TCTN2: variants seen among roughly 807,000 people sequenced by gnomAD.
TCTN2 encodes tectonic family member 2.
In TCTN2, 66 loss-of-function variants were observed where a neutral mutation model predicts 83.4. The ratio of observed to expected loss-of-function variants is 0.79; its 90% confidence interval spans 0.65 to 0.97. The LOEUF (loss-of-function observed/expected upper bound fraction) is 0.97, where lower values mean the gene tolerates loss of function less well. Ranked by LOEUF, TCTN2 falls within the 50% of genes least tolerant of loss-of-function variation. TCTN2 has a pLI of 0.00. For missense variants in TCTN2, 794 were observed against 858.1 expected (o/e 0.93, Z 0.93); for synonymous variants, 301 against 326.7 (o/e 0.92, Z 0.85).
intron 4 of TCTN2, among the ~76,000 whole-genome samples, chr12:123,674,726 C>T (rs909279351): frequency 2.0e-5 from 3 of 152,076 alleles, no homozygotes; most frequent in African/African-American, 7.2e-5. Flanking sequence ...GATACTGTCT[C>T]TATAAAAAAT....
Position 123,700,330 on chromosome 12 carries a change from T to A in TCTN2, c.1612+520T>A, listed in dbSNP as rs76854096. On this transcript the variant is annotated intron_variant, in intron 14 of 17. Transcript: ENST00000303372. ...CATTGCGCCTGGCCAACAACAGTCTTTGTGAAAGAAAGTCTAGGCTGGGAG... is the reference window on the plus strand; with the variant it reads ...CATTGCGCCTGGCCAACAACAGTCTATGTGAAAGAAAGTCTAGGCTGGGAG... Among the ~76,000 whole-genome samples, 1,389 of 152,222 alleles carry A rather than the reference T, an allele frequency of 9.1e-3. 26 individuals carry two copies. The highest frequency in any genetic ancestry group is 0.031 in the African/African-American group (1,308 of 41,530).
At chr12:123,680,990 C>T (rs1290838575) in intron 5 of TCTN2, among the ~76,000 whole-genome samples, 1 of 151,804 alleles carries the variant, frequency 6.6e-6, no homozygotes, top group African/African-American at 2.4e-5. Context: ...AAGAACAGGC[C>T]TGGCGAAGCA....
Position 123,688,062 on chromosome 12 carries a change from A to G in TCTN2, c.776A>G (p.Gln259Arg), listed in dbSNP as rs151318349. The change falls in exon 7 of 18, where the codon CAG (glutamine) becomes CGG (arginine). Residue 259 changes from glutamine (Q) to arginine (R), a missense_variant. By Grantham distance (43) the Gln-to-Arg change is conservative. Transcript: ENST00000303372. ...TTATTGATTTTCAGTTCCCCCAAAC[A>G]GGACTCTTCCTTTGAAGTATATGTG... is the stretch of plus-strand genomic sequence containing the variant. ...YFYHGAVSPK[Q>R]DSSFEVYVDT... 1,794 of 1,614,132 alleles carry G rather than the reference A, an allele frequency of 1.1e-3. 1 individual carries two copies. Among genetic ancestry groups the G allele is most frequent in the Non-Finnish European group, 1.4e-3 (1,680 of 1,179,994 alleles).
rs1266678628 is a variant in TCTN2 at position 123,707,929 on chromosome 12, C to T, written c.*216C>T. ...TCCACCGTATTGGCCAGGCTGCTCTCGAACTCCTGACCTCATGATCCGCCC... is the reference window on the plus strand; with the variant it reads ...TCCACCGTATTGGCCAGGCTGCTCTTGAACTCCTGACCTCATGATCCGCCC... On this transcript the variant is annotated 3_prime_UTR_variant, in exon 18 of 18. Transcript: ENST00000303372. 2.1e-5 allele frequency: 11 copies of T among 520,894 alleles called. No homozygotes were observed. Among genetic ancestry groups the T allele is most frequent in the African/African-American group, 1.2e-4 (6 of 51,596 alleles). The allele number at this position is 520,894 out of a possible 1,614,324, so 32.3% of individuals were successfully genotyped here.
chr12:123,678,204 T>C, intron 4 of TCTN2, among the ~76,000 whole-genome samples: 1 of 152,180 alleles, frequency 6.6e-6, no homozygotes, highest in East Asian at 1.9e-4. Context: ...ACCTGCACTG[T>C]TGGGTACCAC....
intron 5 of TCTN2, among the ~76,000 whole-genome samples, chr12:123,685,280 A>G (rs1333655139): frequency 2.0e-5 from 3 of 152,138 alleles, no homozygotes; most frequent in African/African-American, 7.2e-5. Context: ...TAAACAATCA[A>G]TTTTTAATTT....
At chr12:123,680,579 C>T (rs1955887663) in intron 5 of TCTN2, among the ~76,000 whole-genome samples, 1 of 149,454 alleles carries the variant, frequency 6.7e-6, no homozygotes, top group Non-Finnish European at 1.5e-5. Context: ...TGCAGTGACA[C>T]GATCTCGGGT....
At position 123,679,054 on chromosome 12, in the gene TCTN2, C is replaced by T. The variant is rs537825850; in HGVS notation, c.464-135C>T. The stretch of plus-strand genomic sequence containing the variant: ...CCTCATGATCCACCTGCCTTGGCCT[C>T]CCAAAATGCTGGGATTACAGGCGTG... On this transcript the variant is annotated intron_variant, in intron 4 of 17. Transcript: ENST00000303372. 9.5e-6 allele frequency: 7 copies of T among 740,680 alleles called. No individual in the cohort carries two copies. The African/African-American group carries it at 1.2e-4, about 13-fold the overall frequency. 45.9% of individuals were successfully genotyped at this position (740,680 alleles called of 1,614,324 possible).
intron 8 of TCTN2, among the ~76,000 whole-genome samples, chr12:123,691,466 T>C (rs35114195): frequency 0.41 from 62,914 of 152,094 alleles, 13,883 homozygotes; most frequent in African/African-American, 0.55. Flanking sequence ...GTGTTTGTAG[T>C]GTGTGGCAGC....
Position 123,697,070 on chromosome 12 carries a change from ATCTTTT to A in TCTN2, c.1394-10_1394-5del, listed in dbSNP as rs754718630. The A allele has an allele frequency of 1.3e-5, 20 of 1,593,100 alleles. No homozygotes were observed. The highest frequency in any genetic ancestry group is 2.7e-5 in the African/African-American group (2 of 74,524). ...TTTAGCAAAAAGTAGCAAGAGGATA[ATCTTTT>A]TCTTTTATAGCTGGAAGGGGTCTGT... On this transcript the variant is annotated splice_polypyrimidine_tract_variant and intron_variant, in intron 12 of 17. Transcript: ENST00000303372.
chr12:123,692,066 T>C (rs1354176556), intron 8 of TCTN2, among the ~76,000 whole-genome samples: 1 of 152,202 alleles, frequency 6.6e-6, no homozygotes, highest in African/African-American at 2.4e-5. Context: ...TGCTAATTTT[T>C]GTATTTTTAG....
At chr12:123,679,411 G>T in intron 5 of TCTN2, 122 bp downstream of exon 5, 1 of 913,054 alleles carries the variant, frequency 1.1e-6, no homozygotes, top group Non-Finnish European at 1.8e-6. Context: ...ACCCAGGCTG[G>T]AGTATGGTGA....
At chr12:123,707,267 TAG>T (rs1593872145) in intron 17 of TCTN2, 194 bp downstream of exon 17, 8 of 630,952 alleles carry the variant, frequency 1.3e-5, no homozygotes, top group South Asian at 5.9e-5. Flanking sequence ...TTTTTTTTTT[TAG>T]AGAGTCTTGC....
intron 15 of TCTN2, 145 bp downstream of exon 15, chr12:123,704,833 A>G: frequency 1.2e-6 from 1 of 844,118 alleles, no homozygotes. Flanking sequence ...GCACATATGG[A>G]ATATGTACGA....
rs148262537 is a variant in TCTN2, at chr12:123,697,095, G to T, written c.1402G>T (p.Gly468Cys). 2 of 1,612,870 alleles carry T rather than the reference G, an allele frequency of 1.2e-6. No homozygotes were observed. The highest frequency in any genetic ancestry group is 4.5e-5 in the East Asian group (2 of 44,844). The change falls in exon 13 of 18, where the codon GGT becomes TGT. Residue 468 changes from glycine (G) to cysteine (C), a missense_variant. By Grantham distance (159) the Gly-to-Cys change is radical. Transcript: ENST00000303372. ...ATCTTTTTCTTTTATAGCTGGAAGG[G>T]GTCTGTGTACATCAGCAACTTTCAA... ...TLHLWQSAGR[G>C]LCTSATFKPI...
At chr12:123,690,903 C>T (rs1011734556) in intron 8 of TCTN2, among the ~76,000 whole-genome samples, 33 of 152,094 alleles carry the variant, frequency 2.2e-4, no homozygotes, top group African/African-American at 8.0e-4. Context: ...GTTTGTTTCT[C>T]CGTCACGCAG....
intron 14 of TCTN2, among the ~76,000 whole-genome samples, chr12:123,700,507 A>G (rs1020731677): frequency 6.6e-6 from 1 of 152,138 alleles, no homozygotes; most frequent in Non-Finnish European, 1.5e-5. Context: ...ATCTCGGCTC[A>G]CTGCAACCTC....
In TCTN2 at chr12:123,706,867, A is replaced by G; in HGVS notation, c.1895+16A>G. ...CCCTGACAAGGTACTCCAGTTGCTC[A>G]CCTAGTTGACATTAGGAAGCAGAAA... On this transcript the variant is annotated intron_variant, in intron 16 of 17. Coordinates refer to ENST00000303372, the MANE Select transcript of TCTN2 (RefSeq NM_024809.5). The G allele has an allele frequency of 4.3e-6, 7 of 1,614,136 alleles. No individual in the cohort carries two copies. Among genetic ancestry groups the G allele is most frequent in the Non-Finnish European group, 5.9e-6 (7 of 1,180,036 alleles).
intron 4 of TCTN2, 91 bp from the exon 5 acceptor site, chr12:123,679,098 A>G: frequency 8.0e-7 from 1 of 1,249,096 alleles, no homozygotes; most frequent in Non-Finnish European, 1.2e-6. Flanking sequence ...CGCCTGGCCG[A>G]TAATTCAGCT....
Sources: allele counts gnomAD v4.1 joint callset (sites outside exome capture counted in the v4.1 genomes callset), GRCh38; gene constraint gnomAD v4.1.1; transcripts MANE v1.5; gene names NCBI Gene and HGNC (gene_info 2026-07-23, HGNC 2026-07-21).